The following RNF207 variants were observed in gnomAD, a reference collection of about 807,000 sequenced individuals.
RNF207 encodes OTTHUMG00000001089.
RNF207 carries 72 observed loss-of-function variants against 79.0 expected under a neutral mutation model. That is an observed-to-expected ratio of 0.91 (90% CI 0.75 to 1.11). RNF207 has a LOEUF of 1.11. Ranked by LOEUF, RNF207 falls within the 50% of genes least tolerant of loss-of-function variation. The probability of loss-of-function intolerance (pLI) is 0.00; values close to 1 mark genes in which losing one functional copy is unlikely to be tolerated. For synonymous variants in RNF207, 348 were observed against 366.2 expected (o/e 0.95, Z 0.57); for missense variants, 936 against 855.8 (o/e 1.09, Z -1.17).
Position 6,210,283 on chromosome 1 carries a change from GCCCA to G in RNF207, c.865_868del (p.Thr289CysfsTer27), listed in dbSNP as rs755988615. On this transcript the variant is annotated frameshift_variant, in exon 9 of 18. Transcript: ENST00000377939. LOFTEE classifies it high-confidence loss of function. ...AGCTCTCTCACTTGGCCACCTTGCT[GCCCA>G]CCCTGCAGGTACAGGGAGCTCGGGG... 27 of 1,613,758 alleles carry G rather than the reference GCCCA, an allele frequency of 1.7e-5. No individual in the cohort carries two copies. The highest frequency in any genetic ancestry group is 2.3e-5 in the Non-Finnish European group (27 of 1,179,928).
In RNF207 at chr1:6,216,878, G is replaced by A. The variant is rs114167686; in HGVS notation, c.1653-1411G>A. 3.2e-3 allele frequency among the ~76,000 whole-genome samples: 489 copies of A among 151,498 alleles called. 3 individuals are homozygous for A. The highest frequency in any genetic ancestry group is 0.011 in the African/African-American group (435 of 41,300). On this transcript the variant is annotated intron_variant, in intron 16 of 17. Coordinates refer to ENST00000377939, the MANE Select transcript of RNF207 (RefSeq NM_207396.3). ...CCACTGCGCCGGGCTTTTTTTGTTC[G>A]TTTGTTTTAAAGACAGGGTCTTTCC...
Position 6,207,655 on chromosome 1 carries a change from A to C in RNF207, c.324+144A>C. The C allele has an allele frequency of 1.1e-6, 1 of 915,010 alleles. No individual in the cohort carries two copies. Among genetic ancestry groups the C allele is most frequent in the Middle Eastern group, 2.1e-4 (1 of 4,796 alleles). 56.7% of individuals were successfully genotyped at this position (915,010 alleles called of 1,614,324 possible). ...CCTCCCTAGGGCACCTTGGCCCCAAATGTGAACCCCATTATACCGGTGGGG... is the reference window on the plus strand; with the variant it reads ...CCTCCCTAGGGCACCTTGGCCCCAACTGTGAACCCCATTATACCGGTGGGG... On this transcript the variant is annotated intron_variant, in intron 3 of 17. Coordinates refer to ENST00000377939, the MANE Select transcript of RNF207 (RefSeq NM_207396.3). The surrounding 1 kb of genome is among the most constrained non-coding windows in gnomAD (Gnocchi z 4.5).
rs921209878 is a variant in RNF207 at position 6,211,600 on chromosome 1, ACT to A, written c.1110-265_1110-264del. Among the ~76,000 whole-genome samples the A allele has an allele frequency of 6.6e-6, 1 of 151,960 alleles. No homozygotes were observed. Among genetic ancestry groups the A allele is most frequent in the African/African-American group, 2.4e-5 (1 of 41,338 alleles). On this transcript the variant is annotated intron_variant, in intron 12 of 17. Transcript: ENST00000377939. This position sits in a 1 kb window ranked among gnomAD's most constrained non-coding sequence, Gnocchi z 4.2. ...TGTCCAGCATAGAAGTGAACACACC[ACT>A]CACTCGGTCCTGGCCCCGGCAGCAT...
At position 6,217,020 on chromosome 1, in the gene RNF207, C is replaced by T. The variant is rs1452736711; in HGVS notation, c.1653-1269C>T. On this transcript the variant is annotated intron_variant, in intron 16 of 17. Coordinates refer to ENST00000377939, the MANE Select transcript of RNF207 (RefSeq NM_207396.3). This position sits in a 1 kb window ranked among gnomAD's most constrained non-coding sequence, Gnocchi z 4.2. ...GGGTAGCTGTGACTACAGGCATGTG[C>T]CACCATGCCCGGCTAATTTTTATAG... 6.6e-6 allele frequency among the ~76,000 whole-genome samples: 1 copy of T among 152,106 alleles called. No homozygotes were observed. Among genetic ancestry groups the T allele is most frequent in the Non-Finnish European group, 1.5e-5 (1 of 68,028 alleles).
At position 6,208,961 on chromosome 1, in the gene RNF207, C is replaced by T. The variant is rs114798118; in HGVS notation, c.405C>T (p.Arg135=). Residue 135 remains arginine, a synonymous_variant, in exon 4 of 18, where the codon CGC becomes CGT. Coordinates refer to ENST00000377939, the MANE Select transcript of RNF207 (RefSeq NM_207396.3). The part of the protein sequence containing the change: ...ARCRDETHRA[R]MFARHDIVAL... Reference sequence around the variant, plus strand: ...GCCGCGACGAGACGCACCGAGCACGCATGTTCGCGCGCCACGACATCGTGG... The same window carrying T: ...GCCGCGACGAGACGCACCGAGCACGTATGTTCGCGCGCCACGACATCGTGG... 0.052 allele frequency: 79,752 copies of T among 1,536,226 alleles called. 3,648 individuals carry two copies. Among genetic ancestry groups the T allele is most frequent in the African/African-American group, 0.24 (17,207 of 72,710 alleles).
At position 6,210,328 on chromosome 1, in the gene RNF207, C is replaced by T. The variant is rs1020193889; in HGVS notation, c.873+33C>T. The T allele has an allele frequency of 2.5e-6, 4 of 1,613,162 alleles. No individual in the cohort carries two copies. In the African/African-American group the frequency reaches 5.3e-5, roughly 22 times the overall value. ...GAGCTCGGGGTGCGGGTGGGTCCCT[C>T]CTCCTCCCCGGCCAGGCACTGAGCA... On this transcript the variant is annotated intron_variant, in intron 9 of 17. Transcript: ENST00000377939.
intron 3 of RNF207, chr1:6,208,015 G>A: frequency 3.1e-6 from 1 of 322,278 alleles, no homozygotes; most frequent in South Asian, 2.6e-5. Flanking sequence ...CAGCGTTCTG[G>A]ACAAGTGCTG....
intron 14 of RNF207, 130 bp downstream of exon 14, chr1:6,212,546 C>A: frequency 8.0e-7 from 1 of 1,247,396 alleles, no homozygotes. Flanking sequence ...GGTCTGGAAA[C>A]TGGGAGTCTT....
intron 1 of RNF207, 48 bp from the exon 2 acceptor site, chr1:6,206,488 G>A (rs774667250): frequency 1.1e-5 from 16 of 1,420,360 alleles, no homozygotes; most frequent in Non-Finnish European, 5.6e-6. Context: ...GGGAGCTCAA[G>A]CGGGGCTCCG....
intron 16 of RNF207, among the ~76,000 whole-genome samples, chr1:6,218,051 G>A (rs1218802896): frequency 6.6e-6 from 1 of 152,248 alleles, no homozygotes; most frequent in African/African-American, 2.4e-5. Context: ...CTCCCTCAGC[G>A]TGTCTGGCCC....
At position 6,218,328 on chromosome 1, in the gene RNF207, G is replaced by C; in HGVS notation, c.1692G>C (p.Gln564His). The C allele has an allele frequency of 6.2e-7, 1 of 1,614,108 alleles. No homozygotes were observed. Among genetic ancestry groups the C allele is most frequent in the Non-Finnish European group, 8.5e-7 (1 of 1,179,972 alleles). Residue 564 changes from glutamine (Q) to histidine (H), a missense_variant, in exon 17 of 18, where the codon CAG (glutamine) becomes CAC (histidine). Coordinates refer to ENST00000377939, the MANE Select transcript of RNF207 (RefSeq NM_207396.3). ...APVDEQSESLQNTHDDSRNNA... is the reference protein window; with the variant it reads ...APVDEQSESLHNTHDDSRNNA... ...TGGATGAGCAGTCAGAGAGTCTACAGAACACGCACGACGACAGCAGGAACA... is the reference window on the plus strand; with the variant it reads ...TGGATGAGCAGTCAGAGAGTCTACACAACACGCACGACGACAGCAGGAACA...
chr1:6,212,129 A>C, intron 13 of RNF207, 76 bp downstream of exon 13: 2 of 1,543,614 alleles, frequency 1.3e-6, no homozygotes, highest in Non-Finnish European at 8.8e-7. Flanking sequence ...AGGGAAATCG[A>C]GTTCTCCCAG....
At chr1:6,210,973 C>T in intron 11 of RNF207, 35 bp downstream of exon 11, 1 of 1,597,956 alleles carries the variant, frequency 6.3e-7, no homozygotes, top group East Asian at 2.3e-5. Context: ...GGGTCGGGGG[C>T]CCTGCAGGGC....
rs755317565 is a variant in RNF207 at position 6,207,527 on chromosome 1, C to A, written c.324+16C>A. 6.6e-6 allele frequency: 7 copies of A among 1,052,650 alleles called. No individual in the cohort carries two copies. The Admixed American group carries it at 1.2e-4, about 18-fold the overall frequency. The allele number at this position is 1,052,650 out of a possible 1,614,324, so 65.2% of individuals were successfully genotyped here. ...CAGCGAGCAGGCAGGGGCGGCAGGG[C>A]GGGTGGGTGAGGAGCAGAGGGTACC... On this transcript the variant is annotated intron_variant, in intron 3 of 17. Coordinates refer to ENST00000377939, the MANE Select transcript of RNF207 (RefSeq NM_207396.3). The surrounding 1 kb of genome is among the most constrained non-coding windows in gnomAD (Gnocchi z 4.5).
rs569330134 is a variant in RNF207, at chr1:6,212,447, CCA to C, written c.1482+33_1482+34del. The C allele has an allele frequency of 2.4e-4, 384 of 1,579,292 alleles. 5 individuals carry two copies. In the South Asian group the frequency reaches 4.3e-3, roughly 18 times the overall value. ...CCTCCCAAGGACTCTAACTCCAGCC[CCA>C]CCTGTCAGGGGATACCTGGGCTACC... On this transcript the variant is annotated intron_variant, in intron 14 of 17. Transcript: ENST00000377939.
rs4908866 is a variant in RNF207 at position 6,219,718 on chromosome 1, G to T, written c.*311G>T. 27,715 of 164,686 alleles carry T rather than the reference G, an allele frequency of 0.17. 4,418 individuals carry two copies. Among genetic ancestry groups the T allele is most frequent in the African/African-American group, 0.44 (18,383 of 41,572 alleles). The allele number at this position is 164,686 out of a possible 1,614,324, so 10.2% of individuals were successfully genotyped here. The stretch of plus-strand genomic sequence containing the variant: ...CATGTTGGCCAGGCTGGTCTCAAAC[G>T]CCAGACCTCAGGTGATCCACCTGCC... On this transcript the variant is annotated 3_prime_UTR_variant, in exon 18 of 18. Transcript: ENST00000377939.
rs1012164799 is a variant in RNF207 at position 6,207,083 on chromosome 1, A to T, written c.192-296A>T. 9.2e-5 allele frequency among the ~76,000 whole-genome samples: 14 copies of T among 152,214 alleles called. No homozygotes were observed. Among genetic ancestry groups the T allele is most frequent in the African/African-American group, 3.4e-4 (14 of 41,474 alleles). Reference sequence around the variant, plus strand: ...CCACAGTTTCAGTTATGTGGGCTCAAGGAACCCAGGAGTGGCTCTGATTTG... The same window carrying T: ...CCACAGTTTCAGTTATGTGGGCTCATGGAACCCAGGAGTGGCTCTGATTTG... On this transcript the variant is annotated intron_variant, in intron 2 of 17. Coordinates refer to ENST00000377939, the MANE Select transcript of RNF207 (RefSeq NM_207396.3). This position sits in a 1 kb window ranked among gnomAD's most constrained non-coding sequence, Gnocchi z 4.5.
At position 6,212,253 on chromosome 1, in the gene RNF207, G is replaced by A; in HGVS notation, c.1319G>A (p.Ser440Asn). 6.2e-7 allele frequency: 1 copy of A among 1,613,426 alleles called. No homozygotes were observed. The highest frequency in any genetic ancestry group is 8.5e-7 in the Non-Finnish European group (1 of 1,179,752). ...CAGCACCTGCAGGCAGAGATGCAGAGCCTAAAGGACCAGGTACAGGAGCTG... is the reference window on the plus strand; with the variant it reads ...CAGCACCTGCAGGCAGAGATGCAGAACCTAAAGGACCAGGTACAGGAGCTG... ...SYRHLQAEMQSLKDQVQELHR... is the reference protein window; with the variant it reads ...SYRHLQAEMQNLKDQVQELHR... Residue 440 changes from serine to asparagine, a missense_variant, in exon 14 of 18, where the codon AGC becomes AAC. By Grantham distance (46) the Ser-to-Asn change is conservative. Transcript: ENST00000377939.
chr1:6,218,898 A>G (rs1030372098), intron 17 of RNF207, among the ~76,000 whole-genome samples: 6 of 152,262 alleles, frequency 3.9e-5, no homozygotes, highest in Admixed American at 2.0e-4. Flanking sequence ...TGAAGTGGCC[A>G]GAGTCACAGC....
Sources: gnomAD v4.1 joint callset for allele counts (sites outside exome capture counted in the v4.1 genomes callset) on GRCh38, gnomAD v4.1.1 for gene constraint, Gnocchi (gnomAD v3.1) non-coding constraint, MANE v1.5 for transcripts, NCBI Gene and HGNC (gene_info 2026-07-23, HGNC 2026-07-21) for gene names.